TADA2A: variants seen among roughly 807,000 people sequenced by gnomAD.
TADA2A encodes transcriptional adapter 2-alpha.
Under a neutral mutation model 67.4 loss-of-function variants are expected in TADA2A, and 38 were observed. The observed-to-expected ratio is 0.56, with a 90% confidence interval of 0.44 to 0.74. The LOEUF (loss-of-function observed/expected upper bound fraction) is 0.74, where lower values mean the gene tolerates loss of function less well. Ranked by LOEUF, TADA2A falls within the 30% of genes least tolerant of loss-of-function variation. The pLI is 0.00. For missense variants in TADA2A, 454 were observed against 547.0 expected, an observed-to-expected ratio of 0.83 and a Z score of 1.70; for synonymous variants, 192 against 181.6, an observed-to-expected ratio of 1.06 and a Z score of -0.46.
intron 15 of TADA2A, among the ~76,000 whole-genome samples, chr17:37,474,953 T>G (rs2053863113): frequency 6.6e-6 from 1 of 152,168 alleles, no homozygotes. Flanking sequence ...AAAATTAATT[T>G]TTTGTAAACC....
intron 4 of TADA2A, among the ~76,000 whole-genome samples, chr17:37,432,778 GT>G (rs1176555817): frequency 1.3e-5 from 2 of 152,114 alleles, no homozygotes; most frequent in Non-Finnish European, 2.9e-5. Context: ...CGATTGGCAA[GT>G]TTTCCAAAGC....
rs376421675 is a variant in TADA2A at position 37,465,443 on chromosome 17, G to A, written c.725G>A (p.Arg242Gln). Residue 242 changes from arginine to glutamine, a missense_variant, in exon 11 of 16, where the codon CGG (arginine) becomes CAG (glutamine). This residue lies in a region of TADA2A where 403 missense variants were observed against 455.5 expected (regional missense o/e 0.88). Transcript: ENST00000615182. Reference sequence around the variant, plus strand: ...ATTTTCTCTGTAGTAATGGAACGGCGGTATCCCAAGGAGGTCCAGGACCTG... The same window carrying A: ...ATTTTCTCTGTAGTAATGGAACGGCAGTATCCCAAGGAGGTCCAGGACCTG... ...NLRKFQLMER[R>Q]YPKEVQDLYE... 1.7e-5 allele frequency: 27 copies of A among 1,613,014 alleles called. No homozygotes were observed. Among genetic ancestry groups the A allele is most frequent in the East Asian group, 6.7e-5 (3 of 44,866 alleles).
chr17:37,477,373 C>T lies in TADA2A; in HGVS notation c.*391C>T, dbSNP rs150442645. Reference sequence around the variant, plus strand: ...CGAGGTAAGTTTGCTGATTATCTGTCTTGCCTTCAAACACTGCAGACAGAT... The same window carrying T: ...CGAGGTAAGTTTGCTGATTATCTGTTTTGCCTTCAAACACTGCAGACAGAT... On this transcript the variant is annotated 3_prime_UTR_variant, in exon 16 of 16. Transcript: ENST00000615182. 3.5e-3 allele frequency: 611 copies of T among 173,356 alleles called. 1 individual carries two copies. The highest frequency in any genetic ancestry group is 0.013 in the African/African-American group (572 of 42,482). 10.7% of individuals were successfully genotyped at this position (173,356 alleles called of 1,614,324 possible). A position where few individuals can be genotyped will look rare whatever the true frequency, so the allele number is the denominator to read the frequency against.
intron 8 of TADA2A, among the ~76,000 whole-genome samples, chr17:37,453,030 A>G (rs561854652): frequency 1.3e-5 from 2 of 152,306 alleles, no homozygotes; most frequent in African/African-American, 4.8e-5. Flanking sequence ...GACCCAAGGG[A>G]GAATGACCTG....
intron 1 of TADA2A, chr17:37,408,723 A>C (rs1457576076): frequency 6.6e-6 from 1 of 152,210 alleles, no homozygotes; most frequent in Non-Finnish European, 1.5e-5. Flanking sequence ...AAATTGAAAA[A>C]GTTCAGTAAA....
At chr17:37,435,044 C>T (rs1050283360) in intron 4 of TADA2A, among the ~76,000 whole-genome samples, 1 of 152,030 alleles carries the variant, frequency 6.6e-6, no homozygotes, top group Non-Finnish European at 1.5e-5. Flanking sequence ...GTCGGGAGTT[C>T]GAGACCAGCC....
intron 15 of TADA2A, among the ~76,000 whole-genome samples, 160 bp downstream of exon 15, chr17:37,474,789 TTTGTGGCAGA>T (rs2053860028): frequency 6.6e-6 from 1 of 152,160 alleles, no homozygotes; most frequent in Non-Finnish European, 1.5e-5. Context: ...TAAAGAGCCG[TTTGTGGCAGA>T]TTTCAGAGAA....
intron 4 of TADA2A, among the ~76,000 whole-genome samples, chr17:37,428,569 G>T (rs556729015): frequency 6.6e-6 from 1 of 152,178 alleles, no homozygotes; most frequent in South Asian, 2.1e-4. Context: ...GAATCTTTAT[G>T]AGTGATTCTT....
intron 4 of TADA2A, among the ~76,000 whole-genome samples, chr17:37,430,526 T>G (rs2052539169): frequency 6.6e-6 from 1 of 152,218 alleles, no homozygotes. Context: ...ATTTTTGTCT[T>G]GTAATTCTTA....
At chr17:37,427,343 C>T (rs2052439921) in intron 4 of TADA2A, among the ~76,000 whole-genome samples, 1 of 152,130 alleles carries the variant, frequency 6.6e-6, no homozygotes, top group South Asian at 2.1e-4. Flanking sequence ...TAAACATAGC[C>T]AATGTGTTGT....
chr17:37,421,589 A>C (rs537353468), intron 2 of TADA2A, among the ~76,000 whole-genome samples: 2 of 146,816 alleles, frequency 1.4e-5, no homozygotes, highest in East Asian at 4.3e-4. Context: ...ATTCAAGACC[A>C]GCCTAGGCAA....
chr17:37,455,759 A>G (rs1324371268), intron 8 of TADA2A, among the ~76,000 whole-genome samples: 4 of 152,200 alleles, frequency 2.6e-5, no homozygotes, highest in Non-Finnish European at 5.9e-5. Context: ...CAGAGAAAGT[A>G]AACATTTAGA....
intron 8 of TADA2A, chr17:37,454,729 T>C: frequency 2.9e-6 from 1 of 346,544 alleles, no homozygotes; most frequent in Non-Finnish European, 6.0e-6. Flanking sequence ...CCATTACTGG[T>C]GCATCTCTTG....
At chr17:37,443,517 G>A (rs1018323735) in intron 7 of TADA2A, among the ~76,000 whole-genome samples, 7 of 152,168 alleles carry the variant, frequency 4.6e-5, no homozygotes, top group Admixed American at 3.9e-4. Context: ...GCCTCCCAAA[G>A]TGCTAGGATT....
intron 4 of TADA2A, among the ~76,000 whole-genome samples, chr17:37,427,958 G>T (rs2052457002): frequency 6.6e-6 from 1 of 151,892 alleles, no homozygotes; most frequent in African/African-American, 2.4e-5. Flanking sequence ...CTCCAGCCTG[G>T]GCGACAGAGT....
intron 7 of TADA2A, among the ~76,000 whole-genome samples, chr17:37,443,803 C>T (rs918533505): frequency 6.6e-6 from 1 of 152,134 alleles, no homozygotes; most frequent in Admixed American, 6.6e-5. Flanking sequence ...TAGTAGTTTA[C>T]TGATTCCTGT....
intron 4 of TADA2A, among the ~76,000 whole-genome samples, chr17:37,433,719 G>T (rs534374178): frequency 4.6e-5 from 7 of 151,980 alleles, no homozygotes; most frequent in Non-Finnish European, 8.8e-5. Flanking sequence ...TTGGGAGGCC[G>T]AGGTGGGCGG....
intron 1 of TADA2A, chr17:37,407,345 C>A (rs2051607105): frequency 6.6e-6 from 1 of 152,342 alleles, no homozygotes; most frequent in Non-Finnish European, 1.5e-5. Flanking sequence ...ATTTCAGTAC[C>A]CTGTTAGAGC....
At chr17:37,409,495 G>A (rs1210256391) in intron 1 of TADA2A, among the ~76,000 whole-genome samples, 1 of 152,144 alleles carries the variant, frequency 6.6e-6, no homozygotes, top group South Asian at 2.1e-4. Context: ...GGCCGGGTGC[G>A]GTGGCTCATG....
Sources: gnomAD v4.1 joint callset for allele counts (sites outside exome capture counted in the v4.1 genomes callset) on GRCh38, gnomAD v4.1.1 for gene constraint, gnomAD v4.1.1 regional missense constraint, MANE v1.5 for transcripts, NCBI Gene and HGNC (gene_info 2026-07-23, HGNC 2026-07-21) for gene names.